Variants in RGS22 observed in about 807,000 individuals in gnomAD.
RGS22 encodes regulator of G-protein signaling 22.
In RGS22, 148 loss-of-function variants were observed where a neutral mutation model predicts 172.9. The observed-to-expected ratio is 0.86, with a 90% confidence interval of 0.75 to 0.98. The LOEUF is 0.98. RGS22 is among the 50% of genes least tolerant of loss of function. The pLI is 0.00. For synonymous variants in RGS22, 458 were observed against 480.2 expected (o/e 0.95, Z 0.60); for missense variants, 1,347 against 1,440.8 (o/e 0.93, Z 1.05).
intron 10 of RGS22, 83 bp downstream of exon 10, chr8:100,052,719 G>A (rs1821802684): frequency 2.4e-6 from 3 of 1,246,504 alleles, no homozygotes; most frequent in Non-Finnish European, 3.4e-6. Context: ...AGCTTGTAAT[G>A]AAAATTATCA....
chr8:100,004,641 G>C (rs1046062369), intron 16 of RGS22: 1 of 152,232 alleles, frequency 6.6e-6, no homozygotes, highest in Non-Finnish European at 1.5e-5. Context: ...TACAATGTCT[G>C]ATGTAGTTTC....
At chr8:100,054,124 T>G (rs942615770) in intron 9 of RGS22, among the ~76,000 whole-genome samples, 4 of 152,172 alleles carry the variant, frequency 2.6e-5, no homozygotes, top group Non-Finnish European at 5.9e-5. Flanking sequence ...CTTAATTGGA[T>G]AGATATCATG....
intron 14 of RGS22, among the ~76,000 whole-genome samples, chr8:100,036,501 G>T (rs933415127): frequency 6.6e-6 from 1 of 152,308 alleles, no homozygotes; most frequent in East Asian, 1.9e-4. Context: ...CAGCGTTTAT[G>T]TACAGAAAAT....
intron 4 of RGS22, among the ~76,000 whole-genome samples, chr8:100,074,705 T>C (rs1811213560): frequency 6.6e-6 from 1 of 152,208 alleles, no homozygotes; most frequent in Admixed American, 6.5e-5. Context: ...TTTGTGATCA[T>C]GAATAAAGCA....
chr8:100,039,456 C>A (rs922453040), intron 13 of RGS22, among the ~76,000 whole-genome samples: 4 of 151,320 alleles, frequency 2.6e-5, no homozygotes, highest in Admixed American at 6.6e-5. Context: ...CGGCTCACCG[C>A]AACCTCTGCC....
At chr8:99,982,141 G>C in intron 21 of RGS22, 25 bp from the exon 22 acceptor site, 3 of 1,558,108 alleles carry the variant, frequency 1.9e-6, no homozygotes, top group Middle Eastern at 3.5e-4. Context: ...AGATAGAATG[G>C]TATATAATTA....
intron 11 of RGS22, among the ~76,000 whole-genome samples, chr8:100,045,587 C>T (rs999727868): frequency 6.6e-6 from 1 of 151,948 alleles, no homozygotes; most frequent in African/African-American, 2.4e-5. Flanking sequence ...AAAAAAGGCA[C>T]TCTTATACAA....
At chr8:100,072,096 G>T in intron 5 of RGS22, 49 bp downstream of exon 5, 1 of 1,107,478 alleles carries the variant, frequency 9.0e-7, no homozygotes, top group Non-Finnish European at 1.3e-6. Flanking sequence ...AAATTGGGAG[G>T]CTAATATATA....
intron 10 of RGS22, among the ~76,000 whole-genome samples, chr8:100,048,921 A>C (rs1039203468): frequency 2.0e-5 from 3 of 152,226 alleles, no homozygotes; most frequent in African/African-American, 7.2e-5. Flanking sequence ...AACATTGTGA[A>C]TATAACTAAT....
intron 23 of RGS22, among the ~76,000 whole-genome samples, chr8:99,969,902 T>C (rs1811154766): frequency 6.6e-6 from 1 of 152,140 alleles, no homozygotes; most frequent in Admixed American, 6.5e-5. Flanking sequence ...TCTACAGAAC[T>C]CTCCACCCCA....
At chr8:100,093,328 T>G in intron 3 of RGS22, 119 bp downstream of exon 3, 2 of 602,102 alleles carry the variant, frequency 3.3e-6, no homozygotes, top group South Asian at 4.5e-5. Context: ...TTTACCTAAA[T>G]GCTTTAATAT....
intron 2 of RGS22, among the ~76,000 whole-genome samples, chr8:100,100,412 C>T (rs1016653000): frequency 1.3e-5 from 2 of 151,968 alleles, no homozygotes; most frequent in Non-Finnish European, 2.9e-5. Flanking sequence ...GCTTCAGCCT[C>T]CCAAGTAGCT....
intron 14 of RGS22, among the ~76,000 whole-genome samples, chr8:100,030,185 T>C (rs891186734): frequency 1.1e-4 from 16 of 152,214 alleles, no homozygotes; most frequent in African/African-American, 3.9e-4. Flanking sequence ...CTAGTAACAC[T>C]GTAGCACATG....
chr8:100,006,035 T>C lies in RGS22; in HGVS notation c.2436A>G (p.Thr812=), dbSNP rs1362995993. The change falls in exon 16 of 28, where the codon ACA becomes ACG. Residue 812 remains threonine (T), a synonymous_variant. Coordinates refer to ENST00000360863, the MANE Select transcript of RGS22 (RefSeq NM_015668.5). ...FRKLQALHKE[T]FSKKAEDTTC... is the part of the protein sequence containing the mutation. ...GCCTTACCTCAGCTTTCTTGGAAAA[T>C]GTCTCTTTATGCAAAGCCTGTAGCT... 3 of 1,613,006 alleles carry C rather than the reference T, an allele frequency of 1.9e-6. No homozygotes were observed. Among genetic ancestry groups the C allele is most frequent in the African/African-American group, 1.3e-5 (1 of 74,878 alleles).
At position 100,072,246 on chromosome 8, in the gene RGS22, G is replaced by A; in HGVS notation, c.340-16C>T. 1 of 1,479,152 alleles carries A rather than the reference G, an allele frequency of 6.8e-7. No homozygotes were observed. The highest frequency in any genetic ancestry group is 9.2e-7 in the Non-Finnish European group (1 of 1,086,346). The allele number at this position is 1,479,152 out of a possible 1,614,324, so 91.6% of individuals were successfully genotyped here. On this transcript the variant is annotated splice_polypyrimidine_tract_variant and intron_variant, in intron 4 of 27. Coordinates refer to ENST00000360863, the MANE Select transcript of RGS22 (RefSeq NM_015668.5). Reference sequence around the variant, plus strand: ...GACTGAGACACTATGAGAAGAAAGAGAAAAAGAAAAAGAAGGTCAGAGAAA... The same window carrying A: ...GACTGAGACACTATGAGAAGAAAGAAAAAAAGAAAAAGAAGGTCAGAGAAA...
In RGS22 at chr8:100,052,106, AATGTTT is replaced by A. The variant is rs1442328213; in HGVS notation, c.1689+690_1689+695del. Among the ~76,000 whole-genome samples, 307 of 46,084 alleles carry A rather than the reference AATGTTT, an allele frequency of 6.7e-3. 3 individuals are homozygous for A. The highest frequency in any genetic ancestry group is 9.4e-3 in the Admixed American group (27 of 2,876). 30.2% of individuals were successfully genotyped at this position (46,084 alleles called of 152,430 possible). A position where few individuals can be genotyped will look rare whatever the true frequency, so the allele number is the denominator to read the frequency against. ...ATATATATTTATATATTTATATATA[AATGTTT>A]ATATATATTTATATATAAATATATA... On this transcript the variant is annotated intron_variant, in intron 10 of 27. Coordinates refer to ENST00000360863, the MANE Select transcript of RGS22 (RefSeq NM_015668.5).
intron 14 of RGS22, among the ~76,000 whole-genome samples, chr8:100,034,518 A>G (rs1205695189): frequency 6.6e-6 from 1 of 152,220 alleles, no homozygotes; most frequent in Non-Finnish European, 1.5e-5. Context: ...AAGAATCAAT[A>G]TTGTGAAAAT....
intron 11 of RGS22, among the ~76,000 whole-genome samples, chr8:100,046,755 T>G (rs1243424231): frequency 6.6e-6 from 1 of 151,814 alleles, no homozygotes; most frequent in Non-Finnish European, 1.5e-5. Context: ...TTGAGGCTGC[T>G]TTTTCCTGAG....
At chr8:99,991,407 T>C (rs1414917755) in intron 20 of RGS22, among the ~76,000 whole-genome samples, 1 of 152,094 alleles carries the variant, frequency 6.6e-6, no homozygotes, top group Non-Finnish European at 1.5e-5. Flanking sequence ...ATAAACAGTG[T>C]AGAGAAGATC....
Sources: gnomAD v4.1 joint callset for allele counts (sites outside exome capture counted in the v4.1 genomes callset) on GRCh38, gnomAD v4.1.1 for gene constraint, MANE v1.5 for transcripts, NCBI Gene and HGNC (gene_info 2026-07-23, HGNC 2026-07-21) for gene names.